The following GRIP1 variants were observed in gnomAD, a reference collection of about 807,000 sequenced individuals.
GRIP1 encodes glutamate receptor-interacting protein 1.
In GRIP1, 45 loss-of-function variants were observed where a neutral mutation model predicts 129.9. The observed-to-expected ratio is 0.35, with a 90% confidence interval of 0.27 to 0.44. GRIP1 has a LOEUF of 0.44. Ranked by LOEUF, GRIP1 falls within the 20% of genes least tolerant of loss-of-function variation. GRIP1 has a pLI of 1.00. For synonymous variants in GRIP1, 530 were observed against 520.8 expected (o/e 1.02, Z -0.24); for missense variants, 1,196 against 1,396.8 (o/e 0.86, Z 2.29).
intron 1 of GRIP1, among the ~76,000 whole-genome samples, chr12:66,814,185 A>G (rs990052283): frequency 6.6e-6 from 1 of 152,066 alleles, no homozygotes; most frequent in Non-Finnish European, 1.5e-5. Flanking sequence ...TACCACCTTC[A>G]GCTGTGCAAC....
intron 1 of GRIP1, among the ~76,000 whole-genome samples, chr12:66,955,002 TGAA>T (rs1254605713): frequency 6.6e-6 from 1 of 152,102 alleles, no homozygotes; most frequent in Non-Finnish European, 1.5e-5. Context: ...CCAAAGGAGA[TGAA>T]GGAGTTAGCC....
intron 19 of GRIP1, among the ~76,000 whole-genome samples, chr12:66,384,866 T>C (rs1370564078): frequency 6.6e-6 from 1 of 152,184 alleles, no homozygotes; most frequent in East Asian, 1.9e-4. Context: ...TAGAAGAAAA[T>C]CTTCAAATCA....
intron 5 of GRIP1, among the ~76,000 whole-genome samples, chr12:66,524,300 TA>T (rs1229881733): frequency 6.6e-6 from 1 of 152,094 alleles, no homozygotes; most frequent in African/African-American, 2.4e-5. Context: ...TCAGCAAATG[TA>T]AAAGAACACA....
At chr12:66,739,246 A>G (rs1188433114) in intron 1 of GRIP1, among the ~76,000 whole-genome samples, 1 of 152,176 alleles carries the variant, frequency 6.6e-6, no homozygotes, top group Non-Finnish European at 1.5e-5. Flanking sequence ...TGATGAATGT[A>G]AACCTCACAG....
At chr12:66,528,470 C>T (rs1160629779) in intron 5 of GRIP1, among the ~76,000 whole-genome samples, 1 of 152,010 alleles carries the variant, frequency 6.6e-6, no homozygotes, top group Non-Finnish European at 1.5e-5. Context: ...GTTGGAGTCA[C>T]CTGAAATTGT....
At chr12:66,948,131 G>A (rs566536326) in intron 1 of GRIP1, among the ~76,000 whole-genome samples, 4 of 152,208 alleles carry the variant, frequency 2.6e-5, no homozygotes, top group Admixed American at 2.6e-4. Flanking sequence ...CCCAAGGCCA[G>A]GGTTTAAAGA....
At chr12:66,464,772 A>G (rs1460874599) in intron 8 of GRIP1, among the ~76,000 whole-genome samples, 4 of 152,118 alleles carry the variant, frequency 2.6e-5, no homozygotes, top group Non-Finnish European at 5.9e-5. Context: ...GCCCTGTAAC[A>G]GTAACTTGCT....
intron 1 of GRIP1, among the ~76,000 whole-genome samples, chr12:66,776,068 G>A (rs1169300182): frequency 6.6e-6 from 1 of 152,178 alleles, no homozygotes; most frequent in East Asian, 1.9e-4. Context: ...AAATCCAGTT[G>A]CAAATCACAT....
chr12:66,607,602 G>A (rs1449114098), intron 1 of GRIP1, among the ~76,000 whole-genome samples: 1 of 152,144 alleles, frequency 6.6e-6, no homozygotes, highest in Non-Finnish European at 1.5e-5. Context: ...GAAAATGGTG[G>A]TATGACTTGT....
intron 1 of GRIP1, among the ~76,000 whole-genome samples, chr12:66,926,352 G>A (rs1050468828): frequency 2.0e-5 from 3 of 152,104 alleles, no homozygotes; most frequent in Non-Finnish European, 4.4e-5. Flanking sequence ...CAGGACTTAC[G>A]ATACCCCCAT....
chr12:66,970,720 A>AG (rs1416517403), intron 1 of GRIP1, among the ~76,000 whole-genome samples: 2 of 152,028 alleles, frequency 1.3e-5, no homozygotes, highest in African/African-American at 4.8e-5. Flanking sequence ...CCATTTTCTT[A>AG]GGATTACATC....
At chr12:66,832,953 C>T (rs17182343) in intron 1 of GRIP1, among the ~76,000 whole-genome samples, 6,716 of 152,302 alleles carry the variant, frequency 0.044, 194 homozygotes, top group Non-Finnish European at 0.063. Context: ...TTCTTTTCAG[C>T]CCCTGCAGCA....
intron 1 of GRIP1, among the ~76,000 whole-genome samples, chr12:66,782,179 T>G (rs2068001105): frequency 6.6e-6 from 1 of 152,172 alleles, no homozygotes; most frequent in South Asian, 2.1e-4. Context: ...TTAGAATCTG[T>G]GCACTTTTTA....
intron 1 of GRIP1, among the ~76,000 whole-genome samples, chr12:66,959,100 A>G (rs1043345210): frequency 6.6e-6 from 1 of 152,148 alleles, no homozygotes; most frequent in African/African-American, 2.4e-5. Flanking sequence ...CCATTTTTTA[A>G]TTGGTATACT....
At chr12:66,818,263 T>C (rs1259267747) in intron 1 of GRIP1, among the ~76,000 whole-genome samples, 1 of 152,198 alleles carries the variant, frequency 6.6e-6, no homozygotes, top group East Asian at 1.9e-4. Flanking sequence ...ATCACATTCA[T>C]TATCTCCACA....
intron 1 of GRIP1, among the ~76,000 whole-genome samples, chr12:66,603,543 A>G (rs1408012875): frequency 2.0e-5 from 3 of 152,228 alleles, no homozygotes; most frequent in African/African-American, 7.2e-5. Flanking sequence ...ATGCACGTTC[A>G]TGTTTGGAAA....
chr12:66,528,519 G>A (rs2061340500), intron 5 of GRIP1, among the ~76,000 whole-genome samples: 1 of 152,132 alleles, frequency 6.6e-6, no homozygotes, highest in Non-Finnish European at 1.5e-5. Flanking sequence ...GACTTGAGCT[G>A]AAGCACATAG....
At chr12:66,429,611 G>A (rs1170240997) in intron 14 of GRIP1, among the ~76,000 whole-genome samples, 2 of 152,050 alleles carry the variant, frequency 1.3e-5, no homozygotes, top group South Asian at 4.1e-4. Flanking sequence ...TGGGAGGATC[G>A]CTTGAGCCTA....
At chr12:66,628,069 C>T (rs1400675191) in intron 1 of GRIP1, among the ~76,000 whole-genome samples, 3 of 152,124 alleles carry the variant, frequency 2.0e-5, no homozygotes, top group African/African-American at 7.2e-5. Context: ...AAATAAGCAT[C>T]GAGGAGAAAT....
Sources: allele counts gnomAD v4.1 joint callset (sites outside exome capture counted in the v4.1 genomes callset), GRCh38; gene constraint gnomAD v4.1.1; transcripts MANE v1.5; gene names NCBI Gene and HGNC (gene_info 2026-07-23, HGNC 2026-07-21).